Variants in DDX59 observed in about 807,000 individuals in gnomAD.
The protein encoded by DDX59 is DEAD-box helicase 59.
In DDX59, 30 loss-of-function variants were observed where a neutral mutation model predicts 51.9. That is an observed-to-expected ratio of 0.58 (90% CI 0.43 to 0.78). DDX59 has a LOEUF of 0.78. Among genes scored for constraint, DDX59 ranks in the 30% least tolerant of loss-of-function variants. The probability of loss-of-function intolerance (pLI) is 0.00; values close to 1 mark genes in which losing one functional copy is unlikely to be tolerated. For synonymous variants in DDX59, 255 were observed against 253.3 expected (o/e 1.01, Z -0.06); for missense variants, 672 against 730.8 (o/e 0.92, Z 0.93).
At position 200,664,060 on chromosome 1, in the gene DDX59, A is replaced by G. The variant is rs577269404; in HGVS notation, c.831T>C (p.Leu277=). The G allele has an allele frequency of 4.3e-6, 7 of 1,613,520 alleles. No homozygotes were observed. The Admixed American group carries it at 5.0e-5, about 12-fold the overall frequency. Residue 277 remains leucine, a synonymous_variant, in exon 3 of 8, where the codon CTT becomes CTC. Coordinates refer to ENST00000331314, the MANE Select transcript of DDX59 (RefSeq NM_001031725.6). The part of the protein sequence containing the change: ...FESKTPSALI[L]TPTRELAIQI... ...GAATGGCTAACTCTCTGGTTGGTGT[A>G]AGAATGAGCGCAGATGGAGTTTTGC...
intron 5 of DDX59, 100 bp from the exon 6 acceptor site, chr1:200,649,326 T>C (rs1223607629): frequency 4.6e-5 from 56 of 1,207,870 alleles, no homozygotes; most frequent in Non-Finnish European, 5.6e-5. Flanking sequence ...TCAATAGATT[T>C]ATAAATATTG....
chr1:200,641,166 TATTG>T, downstream of DDX59: 1 of 1,304,436 alleles, frequency 7.7e-7, no homozygotes, highest in South Asian at 1.2e-5. Flanking sequence ...GTAAACTTCA[TATTG>T]ATTGTGGTGA....
intron 2 of DDX59, among the ~76,000 whole-genome samples, chr1:200,664,753 G>A (rs1205383099): frequency 2.0e-5 from 3 of 151,178 alleles, no homozygotes; most frequent in Middle Eastern, 3.2e-3. Flanking sequence ...TCGGCTCACC[G>A]CAACCTCCGC....
rs556843996 is a variant in DDX59, at chr1:200,646,354, A to AC, written c.1597-1838_1597-1837insG. On this transcript the variant is annotated intron_variant, in intron 7 of 7. Coordinates refer to ENST00000331314, the MANE Select transcript of DDX59 (RefSeq NM_001031725.6). ...GTCTCTTAAAAAAACAAACAAACAA[A>AC]AAAAAAACTTGCAAATCATGTTTTT... 5.3e-5 allele frequency among the ~76,000 whole-genome samples: 8 copies of AC among 152,250 alleles called. No homozygotes were observed. In the South Asian group the frequency reaches 1.2e-3, roughly 24 times the overall value.
chr1:200,663,851 A>G (rs1214300191), intron 3 of DDX59, 68 bp downstream of exon 3: 3 of 1,362,070 alleles, frequency 2.2e-6, no homozygotes, highest in Admixed American at 2.9e-5. Context: ...CTTCAAGGGG[A>G]AAAAAAACAC....
At position 200,650,672 on chromosome 1, in the gene DDX59, T is replaced by C. The variant is rs1661603382; in HGVS notation, c.1067A>G (p.Asp356Gly). 6.2e-7 allele frequency: 1 copy of C among 1,605,044 alleles called. No homozygotes were observed. Among genetic ancestry groups the C allele is most frequent in the African/African-American group, 1.3e-5 (1 of 74,678 alleles). ...TTGAAAACCCATCTTTAACATGGTA[T>C]CAGCCTAAAATAAAATTGTATTAAA... ...GVKIVVVDEA[D>G]TMLKMGFQQQ... The change falls in exon 5 of 8, where the codon GAT (aspartate) becomes GGT (glycine). Residue 356 changes from aspartate to glycine, a missense_variant. Coordinates refer to ENST00000331314, the MANE Select transcript of DDX59 (RefSeq NM_001031725.6).
rs761372457 is a variant in DDX59 at position 200,649,179 on chromosome 1, T to C, written c.1362A>G (p.Lys454=). The change falls in exon 6 of 8, where the codon AAA becomes AAG. Residue 454 remains lysine (K), a synonymous_variant. Coordinates refer to ENST00000331314, the MANE Select transcript of DDX59 (RefSeq NM_001031725.6). ...CTTCACTCAAAAGATCTGCTCCTAG[T>C]TTGCAGTCCACAAATACTAACACTG... ...KPPVLVFVDC[K]LGADLLSEAV... is the part of the protein sequence containing the mutation. 6.3e-7 allele frequency: 1 copy of C among 1,598,320 alleles called. No individual in the cohort carries two copies. Among genetic ancestry groups the C allele is most frequent in the African/African-American group, 1.4e-5 (1 of 73,898 alleles).
rs571588568 is a variant in DDX59, at chr1:200,669,863, C to T, written c.-108G>A. 1 of 152,056 alleles carries T rather than the reference C, an allele frequency of 6.6e-6. No homozygotes were observed. The highest frequency in any genetic ancestry group is 1.5e-5 in the Non-Finnish European group (1 of 68,154). 9.4% of individuals were successfully genotyped at this position (152,056 alleles called of 1,614,324 possible). On this transcript the variant is annotated 5_prime_UTR_variant, in exon 1 of 8. Coordinates refer to ENST00000331314, the MANE Select transcript of DDX59 (RefSeq NM_001031725.6). ...GGCTTCCGCCCGACAAGCCCTGACC[C>T]GCTCGTCAGGACTGCGGCCCGGGGT...
chr1:200,660,547 C>T (rs1662311352), intron 3 of DDX59, among the ~76,000 whole-genome samples: 3 of 151,696 alleles, frequency 2.0e-5, no homozygotes, highest in Non-Finnish European at 2.9e-5. Context: ...GTGCTGATGG[C>T]GGGAGGTAGG....
At position 200,650,644 on chromosome 1, in the gene DDX59, T is replaced by C. The variant is rs147185513; in HGVS notation, c.1095A>G (p.Gln365=). 1.6e-5 allele frequency: 26 copies of C among 1,613,422 alleles called. No homozygotes were observed. The African/African-American group carries it at 2.7e-4, about 17-fold the overall frequency. Residue 365 remains glutamine, a synonymous_variant, in exon 5 of 8, where the codon CAA becomes CAG. Coordinates refer to ENST00000331314, the MANE Select transcript of DDX59 (RefSeq NM_001031725.6). ...TGTTTTCCAAAATGTCAAGCACTTGTTGTTGAAAACCCATCTTTAACATGG... is the reference window on the plus strand; with the variant it reads ...TGTTTTCCAAAATGTCAAGCACTTGCTGTTGAAAACCCATCTTTAACATGG... ...ADTMLKMGFQ[Q]QVLDILENIP...
Position 200,666,489 on chromosome 1 carries a change from G to A in DDX59, c.252C>T (p.Ser84=), listed in dbSNP as rs78479136. ...ACTTAACGGGCTCTTCAGAAGGATG[G>A]CTGTCCTTCGCACCCTGCTCGGGAC... is the stretch of plus-strand genomic sequence containing the variant. ...SVSPEQGAKD[S]HPSEEPVKSF... is the part of the protein sequence containing the mutation. The change falls in exon 2 of 8, where the codon AGC becomes AGT. Residue 84 remains serine, a synonymous_variant. Coordinates refer to ENST00000331314, the MANE Select transcript of DDX59 (RefSeq NM_001031725.6). The A allele has an allele frequency of 0.091, 146,174 of 1,614,092 alleles. 7,690 individuals carry two copies. The highest frequency in any genetic ancestry group is 0.1 in the Non-Finnish European group (123,858 of 1,179,996).
chr1:200,652,965 G>T (rs749292520), intron 4 of DDX59, among the ~76,000 whole-genome samples: 17 of 152,136 alleles, frequency 1.1e-4, no homozygotes, highest in African/African-American at 4.1e-4. Flanking sequence ...GATTACAGGC[G>T]TGGGCCCCTG....
Position 200,650,500 on chromosome 1 carries a change from A to G in DDX59, c.1239T>C (p.Pro413=). The G allele has an allele frequency of 6.2e-7, 1 of 1,614,054 alleles. No individual in the cohort carries two copies. The highest frequency in any genetic ancestry group is 1.3e-5 in the African/African-American group (1 of 75,028). Residue 413 remains proline (P), a synonymous_variant, in exon 5 of 8, where the codon CCT becomes CCC. Transcript: ENST00000331314. ...VRIITGEKNL[P]CANVRQIILW... ...AAATAATCTGACGTACATTGGCACA[A>G]GGTAGGTTCTTTTCTCCAGTGATAA... is the stretch of plus-strand genomic sequence containing the variant.
intron 7 of DDX59, among the ~76,000 whole-genome samples, chr1:200,645,426 C>T (rs945081492): frequency 2.6e-5 from 4 of 152,032 alleles, no homozygotes; most frequent in Non-Finnish European, 5.9e-5. Context: ...TACAGGCACC[C>T]GCCACCATAT....
intron 4 of DDX59, among the ~76,000 whole-genome samples, chr1:200,652,831 C>T (rs1320579800): frequency 6.6e-6 from 1 of 152,030 alleles, no homozygotes; most frequent in Non-Finnish European, 1.5e-5. Flanking sequence ...CAGGCATGTG[C>T]CACCGTGCCC....
intron 4 of DDX59, among the ~76,000 whole-genome samples, chr1:200,658,679 T>A (rs1662185662): frequency 6.6e-6 from 1 of 152,192 alleles, no homozygotes; most frequent in East Asian, 1.9e-4. Context: ...CTGGGTGACC[T>A]AAGCAACAGA....
intron 3 of DDX59, among the ~76,000 whole-genome samples, chr1:200,662,449 G>GT (rs1662436984): frequency 6.6e-6 from 1 of 152,198 alleles, no homozygotes; most frequent in Admixed American, 6.5e-5. Flanking sequence ...GAGCTCAGGA[G>GT]TTTGAGACCA....
At chr1:200,646,169 A>G (rs1451373681) in intron 7 of DDX59, among the ~76,000 whole-genome samples, 2 of 152,090 alleles carry the variant, frequency 1.3e-5, no homozygotes, top group African/African-American at 2.4e-5. Context: ...CCCCATCTCT[A>G]CAAAAAACAG....
At chr1:200,645,815 A>C (rs1661261252) in intron 7 of DDX59, among the ~76,000 whole-genome samples, 1 of 152,206 alleles carries the variant, frequency 6.6e-6, no homozygotes, top group East Asian at 1.9e-4. Flanking sequence ...TGTAAAAGAA[A>C]CTTCTAAAAA....
Sources: gnomAD v4.1 joint callset for allele counts (sites outside exome capture counted in the v4.1 genomes callset) on GRCh38, gnomAD v4.1.1 for gene constraint, MANE v1.5 for transcripts, NCBI Gene and HGNC (gene_info 2026-07-23, HGNC 2026-07-21) for gene names.